The following STK3 variants were observed in gnomAD, a reference collection of about 807,000 sequenced individuals.
The protein encoded by STK3 is serine/threonine-protein kinase 3.
STK3 carries 41 observed loss-of-function variants against 58.0 expected under a neutral mutation model. The observed-to-expected ratio is 0.71, with a 90% CI of 0.55 to 0.92. The LOEUF (loss-of-function observed/expected upper bound fraction) is 0.92, where lower values mean the gene tolerates loss of function less well. Ranked by LOEUF, STK3 falls within the 40% of genes least tolerant of loss-of-function variation. The pLI is 0.00. For missense variants in STK3, 479 were observed against 602.7 expected, an observed-to-expected ratio of 0.79 and a Z score of 2.15; for synonymous variants, 170 against 191.0, an observed-to-expected ratio of 0.89 and a Z score of 0.91.
chr8:98,502,342 CG>C, intron 10 of STK3, among the ~76,000 whole-genome samples: 1 of 151,888 alleles, frequency 6.6e-6, no homozygotes, highest in Middle Eastern at 3.4e-3. Flanking sequence ...ACAATCATGT[CG>C]TCTGCAAACA....
In STK3 at chr8:98,738,756, C is replaced by T. The variant is rs149297730; in HGVS notation, c.351+10520G>A. ...AGTGGGCGCAGGACAGTGGGTGCAG[C>T]GCACCGTGTGCGAGCCTAAGCAGGG... On this transcript the variant is annotated intron_variant, in intron 4 of 10. Transcript: ENST00000419617. 2.8e-3 allele frequency among the ~76,000 whole-genome samples: 427 copies of T among 152,314 alleles called. 13 individuals carry two copies. In the East Asian group the frequency reaches 0.071, roughly 25 times the overall value.
At position 98,928,139 on chromosome 8, in the gene STK3, G is replaced by A. The variant is rs566871763; in HGVS notation, c.-79+14239C>T. Among the ~76,000 whole-genome samples the A allele has an allele frequency of 2.6e-5, 4 of 152,290 alleles. No homozygotes were observed. In the East Asian group the frequency reaches 5.8e-4, roughly 22 times the overall value. ...AAAGCAGGTTGGCATCCTACAACAC[G>A]CATGCCATTGTTGTGGCATTCCACG... On this transcript the variant is annotated intron_variant, in intron 1 of 1. Coordinates refer to the STK3 transcript ENST00000519420.
At position 98,544,897 on chromosome 8, in the gene STK3, A is replaced by T. The variant is rs199925936; in HGVS notation, c.1141+3072T>A. 3.3e-5 allele frequency among the ~76,000 whole-genome samples: 5 copies of T among 152,310 alleles called. No individual in the cohort carries two copies. In the East Asian group the frequency reaches 7.7e-4, roughly 24 times the overall value. On this transcript the variant is annotated intron_variant, in intron 9 of 10. Coordinates refer to ENST00000419617, the MANE Select transcript of STK3 (RefSeq NM_006281.4). ...TGGCTCTTCCTCAGATACCCATAAG[A>T]CATAGTTTCCCTCCAGGGCAACTAG... is the stretch of plus-strand genomic sequence containing the variant.
chr8:98,738,340 G>A (rs747149408), intron 4 of STK3, among the ~76,000 whole-genome samples: 1 of 152,114 alleles, frequency 6.6e-6, no homozygotes, highest in Non-Finnish European at 1.5e-5. Context: ...GGGTGTGATA[G>A]TGGGTGCTTA....
chr8:98,930,936 T>C (rs1210363861), intron 1 of STK3, among the ~76,000 whole-genome samples: 1 of 152,228 alleles, frequency 6.6e-6, no homozygotes, highest in Admixed American at 6.5e-5. Context: ...GGAAAATGCT[T>C]AGCCCAAGAA....
At chr8:98,656,670 C>T (rs953417521) in intron 6 of STK3, among the ~76,000 whole-genome samples, 13 of 151,980 alleles carry the variant, frequency 8.6e-5, no homozygotes, top group East Asian at 1.9e-4. Context: ...TTAATTAGTG[C>T]GTCCTTTTTA....
intron 1 of STK3, among the ~76,000 whole-genome samples, chr8:98,820,147 A>G (rs1302267320): frequency 1.3e-5 from 2 of 152,172 alleles, no homozygotes; most frequent in African/African-American, 4.8e-5. Context: ...CCCTTATGAA[A>G]TTAGTGTTTT....
At chr8:98,886,935 T>C (rs1296898493) in intron 1 of STK3, among the ~76,000 whole-genome samples, 3 of 151,924 alleles carry the variant, frequency 2.0e-5, no homozygotes, top group Non-Finnish European at 4.4e-5. Context: ...CCATCTCTAC[T>C]AAAAATACAA....
At chr8:98,424,617 GTGAAA>G (rs879913930) in intron 3 of STK3, among the ~76,000 whole-genome samples, 6 of 152,300 alleles carry the variant, frequency 3.9e-5, no homozygotes, top group Admixed American at 3.3e-4. Context: ...CTCTCCATGG[GTGAAA>G]TCTCCCACGA....
At chr8:98,765,379 A>C (rs1830878207) in intron 3 of STK3, among the ~76,000 whole-genome samples, 1 of 152,222 alleles carries the variant, frequency 6.6e-6, no homozygotes, top group Non-Finnish European at 1.5e-5. Flanking sequence ...TCCAAGCAGC[A>C]AAGTTCCTCT....
At chr8:98,741,875 G>A (rs1829241700) in intron 4 of STK3, among the ~76,000 whole-genome samples, 2 of 152,130 alleles carry the variant, frequency 1.3e-5, no homozygotes, top group South Asian at 2.1e-4. Flanking sequence ...TCAAATAGAA[G>A]CAATAAAAAA....
intron 1 of STK3, chr8:98,438,462 AAG>A (rs751317433): frequency 6.6e-6 from 1 of 152,234 alleles, no homozygotes; most frequent in Non-Finnish European, 1.5e-5. Flanking sequence ...GAGAAGAACC[AAG>A]AGGTGGAACC....
chr8:98,461,823 G>A (rs1210101561), intron 10 of STK3, among the ~76,000 whole-genome samples: 19 of 152,210 alleles, frequency 1.2e-4, no homozygotes, highest in Non-Finnish European at 4.4e-5. Flanking sequence ...GTCCCTTCTG[G>A]CTTGTAAGGT....
intron 2 of STK3, among the ~76,000 whole-genome samples, chr8:98,773,452 T>C (rs1030873233): frequency 6.6e-6 from 1 of 152,172 alleles, no homozygotes; most frequent in Admixed American, 6.5e-5. Context: ...TTATCTATAA[T>C]ATTTTTATAA....
intron 1 of STK3, among the ~76,000 whole-genome samples, chr8:98,779,221 G>A (rs56779483): frequency 9.2e-4 from 140 of 152,070 alleles, no homozygotes; most frequent in African/African-American, 2.6e-3. Context: ...AAAGCCTGCC[G>A]TTGTTTGTTG....
chr8:98,692,203 G>A (rs1467175963), intron 6 of STK3, among the ~76,000 whole-genome samples: 1 of 152,140 alleles, frequency 6.6e-6, no homozygotes, highest in Non-Finnish European at 1.5e-5. Context: ...TACAGCTGCT[G>A]TGGAAAACAG....
chr8:98,772,892 T>A (rs1217173275), intron 2 of STK3, among the ~76,000 whole-genome samples: 1 of 152,020 alleles, frequency 6.6e-6, no homozygotes, highest in African/African-American at 2.4e-5. Flanking sequence ...GCCAATTAAA[T>A]TTTTCTTTAT....
At chr8:98,642,510 T>A (rs1229463893) in intron 6 of STK3, among the ~76,000 whole-genome samples, 1 of 152,170 alleles carries the variant, frequency 6.6e-6, no homozygotes, top group East Asian at 1.9e-4. Flanking sequence ...GTTTTTCACA[T>A]GTGAAGACTG....
upstream of STK3, among the ~76,000 whole-genome samples, chr8:98,392,226 A>G (rs576081240): frequency 7.4e-4 from 113 of 152,282 alleles, no homozygotes; most frequent in African/African-American, 2.7e-3. Flanking sequence ...TTAATCTTTT[A>G]CACTGCCTCA....
Sources: gnomAD v4.1 joint callset for allele counts (sites outside exome capture counted in the v4.1 genomes callset) on GRCh38, gnomAD v4.1.1 for gene constraint, MANE v1.5 for transcripts, NCBI Gene and HGNC (gene_info 2026-07-23, HGNC 2026-07-21) for gene names.